Variants in GTF2A1 observed in about 807,000 individuals in gnomAD.
The protein encoded by GTF2A1 is transcription initiation factor IIA subunit 1.
A neutral mutation model predicts 54.1 loss-of-function variants in GTF2A1; 12 were observed. The observed-to-expected ratio is 0.22, with a 90% CI of 0.14 to 0.36. The LOEUF is 0.36. Ranked by LOEUF, GTF2A1 falls within the 10% of genes least tolerant of loss-of-function variation. The probability of loss-of-function intolerance (pLI) is 1.00; values close to 1 mark genes in which losing one functional copy is unlikely to be tolerated. For synonymous variants in GTF2A1, 145 were observed against 152.0 expected (o/e 0.95, Z 0.34); for missense variants, 335 against 442.2 (o/e 0.76, Z 2.17).
chr14:81,212,151 C>A (rs1240808464), intron 2 of GTF2A1, among the ~76,000 whole-genome samples: 1 of 151,934 alleles, frequency 6.6e-6, no homozygotes, highest in Non-Finnish European at 1.5e-5. Context: ...GGCAGATAAA[C>A]TGAATTTCAG....
Position 81,196,244 on chromosome 14 carries a change from A to G in GTF2A1, c.479-3T>C. The G allele has an allele frequency of 6.2e-7, 1 of 1,614,072 alleles. No individual in the cohort carries two copies. The highest frequency in any genetic ancestry group is 8.5e-7 in the Non-Finnish European group (1 of 1,179,918). Reference sequence around the variant, plus strand: ...TCTGACCACCTGAAGAAGCTGGCCTAAAGCAAAAAGCATGCATTCCGAGTT... The same window carrying G: ...TCTGACCACCTGAAGAAGCTGGCCTGAAGCAAAAAGCATGCATTCCGAGTT... On this transcript the variant is annotated splice_region_variant and splice_polypyrimidine_tract_variant and intron_variant, in intron 5 of 8. Transcript: ENST00000553612.
chr14:81,203,160 T>G (rs897391718), intron 3 of GTF2A1, among the ~76,000 whole-genome samples: 1 of 152,188 alleles, frequency 6.6e-6, no homozygotes, highest in Non-Finnish European at 1.5e-5. Flanking sequence ...GGGCTCAGAT[T>G]TTCCTCAGCT....
intron 6 of GTF2A1, among the ~76,000 whole-genome samples, chr14:81,194,569 T>TA (rs1460834304): frequency 6.6e-6 from 1 of 152,144 alleles, no homozygotes; most frequent in Non-Finnish European, 1.5e-5. Context: ...TACTGACATT[T>TA]AAAAAAGAGA....
At chr14:81,183,462 C>T (rs1892679634) in intron 8 of GTF2A1, among the ~76,000 whole-genome samples, 1 of 152,070 alleles carries the variant, frequency 6.6e-6, no homozygotes, top group Non-Finnish European at 1.5e-5. Flanking sequence ...AATAAATGTA[C>T]CAAAGTTTCA....
chr14:81,187,107 C>G (rs1232094506), intron 7 of GTF2A1, among the ~76,000 whole-genome samples: 1 of 152,112 alleles, frequency 6.6e-6, no homozygotes, highest in Non-Finnish European at 1.5e-5. Flanking sequence ...GTAATTCCAG[C>G]ACTTTGGGAG....
chr14:81,203,947 G>C lies in GTF2A1; in HGVS notation c.290C>G (p.Pro97Arg). 6.2e-7 allele frequency: 1 copy of C among 1,614,074 alleles called. No individual in the cohort carries two copies. The highest frequency in any genetic ancestry group is 1.1e-5 in the South Asian group (1 of 91,082). Residue 97 changes from proline (P) to arginine (R), a missense_variant, in exon 3 of 9, where the codon CCT (proline) becomes CGT (arginine). Around this residue, in one of 2 missense-constraint regions of GTF2A1, gnomAD observed 306 missense variants for 360.4 expected, o/e 0.85. Transcript: ENST00000553612. Reference protein sequence around the residue: ...HQQAQPQQTVPQQAQTQQVLI... With the variant: ...HQQAQPQQTVRQQAQTQQVLI... Reference sequence around the variant, plus strand: ...AACCTGCTGGGTCTGCGCTTGCTGAGGTACTGTCTGCTGAGGCTGAGCTTG... The same window carrying C: ...AACCTGCTGGGTCTGCGCTTGCTGACGTACTGTCTGCTGAGGCTGAGCTTG...
At chr14:81,197,344 C>A (rs1893013402) in intron 5 of GTF2A1, 65 bp downstream of exon 5, 1 of 778,416 alleles carries the variant, frequency 1.3e-6, no homozygotes. Context: ...GAAGACAAAA[C>A]CTAAGGGCTA....
At chr14:81,214,850 A>G (rs985976692) in intron 2 of GTF2A1, among the ~76,000 whole-genome samples, 1 of 152,244 alleles carries the variant, frequency 6.6e-6, no homozygotes, top group African/African-American at 2.4e-5. Flanking sequence ...TGAGAATGAC[A>G]AATGACTTAA....
At chr14:81,209,297 T>C (rs1226642538) in intron 2 of GTF2A1, among the ~76,000 whole-genome samples, 1 of 152,168 alleles carries the variant, frequency 6.6e-6, no homozygotes, top group East Asian at 1.9e-4. Context: ...CGCTTTTGCT[T>C]CTTCCTCATT....
intron 7 of GTF2A1, among the ~76,000 whole-genome samples, chr14:81,189,475 T>C (rs1892824921): frequency 6.6e-6 from 1 of 152,008 alleles, no homozygotes; most frequent in African/African-American, 2.4e-5. Flanking sequence ...ATCAAGACCA[T>C]CCTGGCTAAC....
In GTF2A1 at chr14:81,175,798, T is replaced by C. The variant is rs1892514290; in HGVS notation, c.*4425A>G. 1 of 152,144 alleles carries C rather than the reference T, an allele frequency of 6.6e-6. No homozygotes were observed. Among genetic ancestry groups the C allele is most frequent in the South Asian group, 2.1e-4 (1 of 4,838 alleles). The allele number at this position is 152,144 out of a possible 1,614,324, so 9.4% of individuals were successfully genotyped here. A position where few individuals can be genotyped will look rare whatever the true frequency, so the allele number is the denominator to read the frequency against. ...GTAGAAATACTTATTTAATACAATA[T>C]GTTAATTATTAATATTTCACAAGGA... On this transcript the variant is annotated 3_prime_UTR_variant, in exon 9 of 9. Coordinates refer to ENST00000553612, the MANE Select transcript of GTF2A1 (RefSeq NM_015859.4).
chr14:81,196,348 A>G (rs1035855010), intron 5 of GTF2A1, 107 bp from the exon 6 acceptor site: 6 of 1,154,320 alleles, frequency 5.2e-6, no homozygotes, highest in Non-Finnish European at 7.6e-6. Context: ...GAAATTATCA[A>G]GAAAACTAAC....
At chr14:81,182,648 CTCA>C (rs772653094) in intron 8 of GTF2A1, among the ~76,000 whole-genome samples, 6 of 152,210 alleles carry the variant, frequency 3.9e-5, no homozygotes, top group South Asian at 2.1e-4. Flanking sequence ...CTGCTTCCTC[CTCA>C]TATTATGCTC....
chr14:81,210,016 C>CTACTG, intron 2 of GTF2A1: 1 of 433,058 alleles, frequency 2.3e-6, no homozygotes, highest in Non-Finnish European at 4.2e-6. Context: ...ACATTTTCGG[C>CTACTG]AGGACAATTC....
chr14:81,210,652 T>C (rs542630279), intron 2 of GTF2A1, among the ~76,000 whole-genome samples: 2 of 152,112 alleles, frequency 1.3e-5, no homozygotes, highest in Non-Finnish European at 2.9e-5. Flanking sequence ...CCTCCTGGGT[T>C]CAAGCAATTC....
chr14:81,212,656 CTAA>C (rs1893398346), intron 2 of GTF2A1, among the ~76,000 whole-genome samples: 2 of 152,196 alleles, frequency 1.3e-5, no homozygotes. Context: ...GGGGCTAGAG[CTAA>C]TGACAGGCTT....
At chr14:81,221,371 A>C (rs1595238165), upstream of GTF2A1, 1 of 124,578 alleles carries the variant, frequency 8.0e-6, no homozygotes, top group African/African-American at 2.5e-5. Context: ...CCTCGCTAGG[A>C]ATGGCCGCGG....
At chr14:81,185,019 T>C (rs768998162) in intron 8 of GTF2A1, among the ~76,000 whole-genome samples, 17 of 152,214 alleles carry the variant, frequency 1.1e-4, no homozygotes, top group Non-Finnish European at 2.2e-4. Flanking sequence ...GGTTTAAAAA[T>C]TCCTTAATGT....
At chr14:81,197,318 T>C (rs1395776162) in intron 5 of GTF2A1, 91 bp downstream of exon 5, 2 of 670,616 alleles carry the variant, frequency 3.0e-6, no homozygotes, top group African/African-American at 3.7e-5. Flanking sequence ...AATATTAGTA[T>C]TTTCTGTCTT....
Sources: gnomAD v4.1 joint callset for allele counts (sites outside exome capture counted in the v4.1 genomes callset) on GRCh38, gnomAD v4.1.1 for gene constraint, gnomAD v4.1.1 regional missense constraint, MANE v1.5 for transcripts, NCBI Gene and HGNC (gene_info 2026-07-23, HGNC 2026-07-21) for gene names.